The following ERBB4 variants were observed in gnomAD, a reference collection of about 807,000 sequenced individuals.
ERBB4 encodes receptor tyrosine-protein kinase erbB-4.
ERBB4 carries 42 observed loss-of-function variants against 158.0 expected under a neutral mutation model. The ratio of observed to expected loss-of-function variants is 0.27; its 90% CI spans 0.21 to 0.34. The LOEUF is 0.34. Ranked by LOEUF, ERBB4 falls within the 10% of genes least tolerant of loss-of-function variation. The pLI, the probability that ERBB4 is intolerant of heterozygous loss-of-function variation, is 1.00. For synonymous variants in ERBB4, 583 were observed against 558.7 expected (o/e 1.04, Z -0.61); for missense variants, 1,333 against 1,624.1 (o/e 0.82, Z 3.08).
chr2:212,537,434 GTGC>G (rs1017284441), intron 1 of ERBB4, among the ~76,000 whole-genome samples: 1 of 152,018 alleles, frequency 6.6e-6, no homozygotes, highest in Non-Finnish European at 1.5e-5. Flanking sequence ...TGCACTGCAG[GTGC>G]TGTCATTAGT....
At chr2:212,128,788 A>G (rs911891255) in intron 1 of ERBB4, among the ~76,000 whole-genome samples, 1 of 152,122 alleles carries the variant, frequency 6.6e-6, no homozygotes, top group African/African-American at 2.4e-5. Flanking sequence ...ATGTTCTCTT[A>G]TTATTAAAAC....
rs1553607853 is a variant in ERBB4, at chr2:211,675,792, T to TA, written c.1623-2536_1623-2535insT. Among the ~76,000 whole-genome samples, 42 of 93,592 alleles carry TA rather than the reference T, an allele frequency of 4.5e-4. No individual in the cohort carries two copies. The East Asian group carries it at 8.6e-3, about 19-fold the overall frequency. The allele number at this position is 93,592 out of a possible 152,430, so 61.4% of individuals were successfully genotyped here. On this transcript the variant is annotated intron_variant, in intron 13 of 27. Coordinates refer to ENST00000342788, the MANE Select transcript of ERBB4 (RefSeq NM_005235.3). ...TATAATATATATATAAAATATAATA[T>TA]TATATATATATATATATAACAAATA...
At chr2:211,384,688 T>A (rs879155389) in intron 27 of ERBB4, among the ~76,000 whole-genome samples, 1 of 152,210 alleles carries the variant, frequency 6.6e-6, no homozygotes, top group African/African-American at 2.4e-5. Context: ...ATGCCTCTAG[T>A]TGACCTGCTT....
At chr2:212,407,232 T>C (rs766578954) in intron 1 of ERBB4, among the ~76,000 whole-genome samples, 1 of 151,842 alleles carries the variant, frequency 6.6e-6, no homozygotes, top group Non-Finnish European at 1.5e-5. Context: ...TCAAAACTTC[T>C]GAGCAAGTTT....
At chr2:212,279,696 T>C (rs768191382) in intron 1 of ERBB4, among the ~76,000 whole-genome samples, 6 of 151,644 alleles carry the variant, frequency 4.0e-5, no homozygotes, top group South Asian at 2.1e-4. Context: ...TATGCCAATA[T>C]GAGTCTTACT....
chr2:211,725,923 C>G (rs901438191), intron 5 of ERBB4, among the ~76,000 whole-genome samples: 14 of 152,024 alleles, frequency 9.2e-5, no homozygotes, highest in African/African-American at 3.4e-4. Context: ...CATCATTGGT[C>G]TTTTCTTATA....
intron 1 of ERBB4, among the ~76,000 whole-genome samples, chr2:212,521,955 C>T (rs1692194167): frequency 6.6e-6 from 1 of 151,744 alleles, no homozygotes; most frequent in Non-Finnish European, 1.5e-5. Context: ...ATACTTGATC[C>T]CATTTCCATA....
At chr2:212,425,314 T>C (rs2091883779) in intron 1 of ERBB4, among the ~76,000 whole-genome samples, 2 of 121,236 alleles carry the variant, frequency 1.6e-5, no homozygotes, top group Admixed American at 1.7e-4. Context: ...ATATAATATA[T>C]ATGTGTTGGA....
chr2:212,398,145 T>C (rs144086684), intron 1 of ERBB4, among the ~76,000 whole-genome samples: 2 of 151,692 alleles, frequency 1.3e-5, no homozygotes, highest in East Asian at 1.9e-4. Context: ...CATATATATA[T>C]ACACACATAT....
chr2:212,291,327 G>C (rs532524759), intron 1 of ERBB4, among the ~76,000 whole-genome samples: 1 of 151,990 alleles, frequency 6.6e-6, no homozygotes, highest in Admixed American at 6.6e-5. Context: ...TGATTCTAAC[G>C]AACAGTTATA....
chr2:211,406,699 C>A (rs909395226), intron 25 of ERBB4, among the ~76,000 whole-genome samples: 5 of 151,672 alleles, frequency 3.3e-5, no homozygotes, highest in Non-Finnish European at 7.4e-5. Context: ...CTCGGTTTAC[C>A]CACAAAAGTG....
At chr2:211,990,633 C>T (rs1314751763) in intron 2 of ERBB4, among the ~76,000 whole-genome samples, 2 of 152,024 alleles carry the variant, frequency 1.3e-5, no homozygotes, top group Non-Finnish European at 1.5e-5. Context: ...GCTGGTTACA[C>T]CCATGTTTTT....
intron 2 of ERBB4, among the ~76,000 whole-genome samples, chr2:212,035,406 C>T (rs1157627593): frequency 1.3e-5 from 2 of 152,142 alleles, no homozygotes; most frequent in Non-Finnish European, 2.9e-5. Flanking sequence ...GTGTCTCATC[C>T]CTCCACCCAC....
intron 1 of ERBB4, among the ~76,000 whole-genome samples, chr2:212,516,952 C>T (rs974312108): frequency 1.1e-4 from 17 of 152,074 alleles, no homozygotes; most frequent in African/African-American, 1.2e-4. Context: ...TATGTTTGCA[C>T]GACTTCCACA....
At chr2:211,445,399 A>AGAT (rs2064086376) in intron 20 of ERBB4, among the ~76,000 whole-genome samples, 1 of 152,168 alleles carries the variant, frequency 6.6e-6, no homozygotes, top group Non-Finnish European at 1.5e-5. Flanking sequence ...AGAGAGCATG[A>AGAT]GATAACTCAG....
At chr2:211,849,088 A>G (rs2077658218) in intron 3 of ERBB4, among the ~76,000 whole-genome samples, 1 of 152,214 alleles carries the variant, frequency 6.6e-6, no homozygotes, top group African/African-American at 2.4e-5. Flanking sequence ...AATGGTGTGT[A>G]TGTAACCAAT....
intron 2 of ERBB4, among the ~76,000 whole-genome samples, chr2:212,006,887 A>C (rs1021366021): frequency 2.6e-5 from 4 of 152,022 alleles, no homozygotes; most frequent in African/African-American, 9.7e-5. Context: ...TTACATTTTA[A>C]CTTCACTGAG....
At chr2:211,644,978 C>CG (rs1446884685) in intron 16 of ERBB4, among the ~76,000 whole-genome samples, 1 of 151,810 alleles carries the variant, frequency 6.6e-6, no homozygotes. Flanking sequence ...CTTAGAGCCA[C>CG]GGGGGAGGAG....
intron 19 of ERBB4, among the ~76,000 whole-genome samples, chr2:211,607,581 C>T (rs1033909186): frequency 3.9e-5 from 6 of 152,144 alleles, no homozygotes; most frequent in South Asian, 2.1e-4. Context: ...TCGTCTGTGA[C>T]GAACTGGTCT....
Sources: gnomAD v4.1 joint callset for allele counts (sites outside exome capture counted in the v4.1 genomes callset) on GRCh38, gnomAD v4.1.1 for gene constraint, MANE v1.5 for transcripts, NCBI Gene and HGNC (gene_info 2026-07-23, HGNC 2026-07-21) for gene names.